PTPN12: variants seen among roughly 807,000 people sequenced by gnomAD.
PTPN12 encodes the protein tyrosine-protein phosphatase non-receptor type 12.
A neutral mutation model predicts 97.6 loss-of-function variants in PTPN12; 29 were observed. That is an observed-to-expected ratio of 0.30 (90% CI 0.22 to 0.41). The LOEUF is 0.41. PTPN12 is among the 10% of genes least tolerant of loss of function. The pLI is 1.00. For synonymous variants in PTPN12, 327 were observed against 300.4 expected (o/e 1.09, Z -0.91); for missense variants, 819 against 926.0 (o/e 0.88, Z 1.50).
At chr7:77,620,984 G>A (rs1788913211) in intron 12 of PTPN12, among the ~76,000 whole-genome samples, 1 of 150,954 alleles carries the variant, frequency 6.6e-6, no homozygotes, top group African/African-American at 2.4e-5. Context: ...CATGTTGGCT[G>A]GGCATAGTGG....
chr7:77,575,784 A>G (rs1787323432), intron 2 of PTPN12, among the ~76,000 whole-genome samples: 2 of 152,144 alleles, frequency 1.3e-5, no homozygotes, highest in Admixed American at 1.3e-4. Context: ...CTGTCTGTAT[A>G]GATTTTCCTT....
At chr7:77,610,886 G>A (rs879214126) in intron 10 of PTPN12, 44 bp downstream of exon 10, 1 of 1,584,986 alleles carries the variant, frequency 6.3e-7, no homozygotes. Context: ...TTTTATAAAT[G>A]CTTTCTTCTT....
intron 12 of PTPN12, among the ~76,000 whole-genome samples, chr7:77,620,268 C>G (rs1788887369): frequency 6.6e-6 from 1 of 152,046 alleles, no homozygotes; most frequent in Non-Finnish European, 1.5e-5. Flanking sequence ...AGCCTTTTTC[C>G]TATACCTGTT....
intron 12 of PTPN12, among the ~76,000 whole-genome samples, chr7:77,621,825 T>A (rs1339926195): frequency 6.6e-6 from 1 of 152,266 alleles, no homozygotes; most frequent in East Asian, 1.9e-4. Context: ...TGACGCATTT[T>A]GCTACAAATT....
intron 13 of PTPN12, 145 bp downstream of exon 13, chr7:77,627,820 T>A (rs1789256093): frequency 1.2e-5 from 9 of 735,882 alleles, no homozygotes; most frequent in Non-Finnish European, 1.6e-5. Context: ...ACTAATTTTT[T>A]AATATAAGCT....
rs756994869 is a variant in PTPN12 at position 77,600,817 on chromosome 7, AT to A, written c.695+14del. 2 of 1,572,636 alleles carry A rather than the reference AT, an allele frequency of 1.3e-6. No homozygotes were observed. The highest frequency in any genetic ancestry group is 1.7e-6 in the Non-Finnish European group (2 of 1,160,692). ...TTGTATTCATTGCAGGTACAAAAGA[AT>A]TTCCCAAGTTTATAAATACATTATT... is the stretch of plus-strand genomic sequence containing the variant. On this transcript the variant is annotated intron_variant, in intron 8 of 17. Transcript: ENST00000248594.
chr7:77,575,208 G>T (rs1787301084), intron 2 of PTPN12, among the ~76,000 whole-genome samples: 1 of 152,084 alleles, frequency 6.6e-6, no homozygotes, highest in African/African-American at 2.4e-5. Context: ...TTAATTCATT[G>T]CCCGGGCACA....
chr7:77,595,403 T>C (rs944550508), intron 6 of PTPN12, among the ~76,000 whole-genome samples: 2 of 152,202 alleles, frequency 1.3e-5, no homozygotes, highest in African/African-American at 2.4e-5. Flanking sequence ...TCTCTCTCGA[T>C]GTGGGATGAG....
rs751962814 is a variant in PTPN12, at chr7:77,605,409, G to GTTT, written c.696-1800_696-1798dup. Among the ~76,000 whole-genome samples the GTTT allele has an allele frequency of 2.7e-3, 256 of 95,536 alleles. 19 individuals are homozygous for GTTT. The highest frequency in any genetic ancestry group is 7.1e-3 in the Middle Eastern group (1 of 140). 62.7% of individuals were successfully genotyped at this position (95,536 alleles called of 152,430 possible). A position where few individuals can be genotyped will look rare whatever the true frequency, so the allele number is the denominator to read the frequency against. On this transcript the variant is annotated intron_variant, in intron 8 of 17. Coordinates refer to ENST00000248594, the MANE Select transcript of PTPN12 (RefSeq NM_002835.4). Reference sequence around the variant, plus strand: ...TTACTTTAAAATACTTTTGTCATGAGTTTTTTTTTTTTTTTTTTTTTTTTT... The same window carrying GTTT: ...TTACTTTAAAATACTTTTGTCATGAGTTTTTTTTTTTTTTTTTTTTTTTTTTTT...
At position 77,611,583 on chromosome 7, in the gene PTPN12, T is replaced by C. The variant is rs535072566; in HGVS notation, c.939+537T>C. Among the ~76,000 whole-genome samples, 5 of 152,360 alleles carry C rather than the reference T, an allele frequency of 3.3e-5. No homozygotes were observed. The East Asian group carries it at 9.6e-4, about 29-fold the overall frequency. On this transcript the variant is annotated intron_variant, in intron 11 of 17. Transcript: ENST00000248594. Reference sequence around the variant, plus strand: ...CCTCAGCCTCCTGAGTAGCTGGGATTACAGGCGCACGCCACTGTGCCCAGC... The same window carrying C: ...CCTCAGCCTCCTGAGTAGCTGGGATCACAGGCGCACGCCACTGTGCCCAGC...
At chr7:77,582,436 T>C (rs1246176932) in intron 3 of PTPN12, among the ~76,000 whole-genome samples, 1 of 152,160 alleles carries the variant, frequency 6.6e-6, no homozygotes, top group Non-Finnish European at 1.5e-5. Flanking sequence ...TTATTTTATA[T>C]ATGGTGTTTA....
At chr7:77,620,999 C>A (rs755848498) in intron 12 of PTPN12, among the ~76,000 whole-genome samples, 19 of 152,048 alleles carry the variant, frequency 1.2e-4, no homozygotes, top group Non-Finnish European at 5.9e-5. Context: ...TAGTGGCTCA[C>A]GCCTGTAGTC....
rs1342544873 is a variant in PTPN12 at position 77,537,391 on chromosome 7, C to T, written c.-156C>T. The T allele has an allele frequency of 6.5e-5, 72 of 1,107,340 alleles. No homozygotes were observed. The highest frequency in any genetic ancestry group is 8.3e-5 in the Non-Finnish European group (70 of 847,490). 68.6% of individuals were successfully genotyped at this position (1,107,340 alleles called of 1,614,324 possible). On this transcript the variant is annotated 5_prime_UTR_variant, in exon 1 of 18. Transcript: ENST00000248594. ...CAGCCGGTGCCGCCGCAGCCGCCGC[C>T]TAGGGCGGTGGGGAGGAGGAGGGAG... is the stretch of plus-strand genomic sequence containing the variant.
intron 13 of PTPN12, 95 bp downstream of exon 13, chr7:77,627,770 A>G: frequency 1.6e-6 from 2 of 1,256,132 alleles, no homozygotes; most frequent in South Asian, 1.8e-5. Context: ...GTTTTATTCC[A>G]CACTCTACCA....
intron 16 of PTPN12, among the ~76,000 whole-genome samples, chr7:77,637,908 G>A (rs1341528208): frequency 9.3e-5 from 13 of 139,120 alleles, no homozygotes; most frequent in Non-Finnish European, 3.1e-5. Flanking sequence ...GGTGCAAATA[G>A]TGCATTAATT....
intron 1 of PTPN12, among the ~76,000 whole-genome samples, chr7:77,538,583 A>G (rs1159957744): frequency 6.6e-6 from 1 of 150,748 alleles, no homozygotes; most frequent in Non-Finnish European, 1.5e-5. Flanking sequence ...TTGTGCAGGC[A>G]GTCTTGAGAG....
chr7:77,571,473 G>T (rs1435965003), intron 2 of PTPN12, among the ~76,000 whole-genome samples: 2 of 152,040 alleles, frequency 1.3e-5, no homozygotes, highest in Non-Finnish European at 2.9e-5. Flanking sequence ...TCTGTTCAAA[G>T]ATGTTATTTC....
chr7:77,610,038 G>A (rs972352269), intron 9 of PTPN12, among the ~76,000 whole-genome samples: 1 of 152,006 alleles, frequency 6.6e-6, no homozygotes, highest in Admixed American at 6.6e-5. Flanking sequence ...GTAAACCTCC[G>A]CCAGTTTCTC....
At chr7:77,628,243 A>G (rs924517350) in intron 13 of PTPN12, among the ~76,000 whole-genome samples, 1 of 152,216 alleles carries the variant, frequency 6.6e-6, no homozygotes. Context: ...TGAGTGGGCT[A>G]TATGCATACC....
Sources: gnomAD v4.1 joint callset for allele counts (sites outside exome capture counted in the v4.1 genomes callset) on GRCh38, gnomAD v4.1.1 for gene constraint, MANE v1.5 for transcripts, NCBI Gene and HGNC (gene_info 2026-07-23, HGNC 2026-07-21) for gene names.